Variants in CDC14A observed in about 807,000 individuals in gnomAD.
CDC14A encodes dual specificity protein phosphatase CDC14A.
A neutral mutation model predicts 74.4 loss-of-function variants in CDC14A; 53 were observed. The ratio of observed to expected loss-of-function variants is 0.71; its 90% CI spans 0.57 to 0.89. The LOEUF (loss-of-function observed/expected upper bound fraction) is 0.89, where lower values mean the gene tolerates loss of function less well. CDC14A is among the 40% of genes least tolerant of loss of function. CDC14A has a pLI of 0.00. For synonymous variants in CDC14A, 247 were observed against 258.4 expected (o/e 0.96, Z 0.43); for missense variants, 646 against 713.7 (o/e 0.91, Z 1.08).
At position 100,390,597 on chromosome 1, in the gene CDC14A, T is replaced by C; in HGVS notation, c.217-135T>C. ...GTAATTCTCTAACCCTCAAATGCCA[T>C]AGAAATTAAAGTTGAAAGTTGTTAA... On this transcript the variant is annotated intron_variant, in intron 3 of 15. Coordinates refer to ENST00000336454, the MANE Select transcript of CDC14A (RefSeq NM_003672.4). The C allele has an allele frequency of 4.9e-6, 3 of 607,742 alleles. No individual in the cohort carries two copies. In the South Asian group the frequency reaches 6.1e-5, roughly 12 times the overall value. 37.6% of individuals were successfully genotyped at this position (607,742 alleles called of 1,614,324 possible). A position where few individuals can be genotyped will look rare whatever the true frequency, so the allele number is the denominator to read the frequency against.
At chr1:100,496,496 C>A (rs1017971276) in intron 13 of CDC14A, among the ~76,000 whole-genome samples, 2 of 152,086 alleles carry the variant, frequency 1.3e-5, no homozygotes, top group South Asian at 4.1e-4. Context: ...AGAGGAAACA[C>A]TAGTTTTGTT....
intron 1 of CDC14A, among the ~76,000 whole-genome samples, chr1:100,345,699 T>C (rs1480031959): frequency 6.6e-6 from 1 of 152,224 alleles, no homozygotes; most frequent in African/African-American, 2.4e-5. Context: ...GTGTGTTTCC[T>C]CATTTATAAA....
rs952147356 is a variant in CDC14A at position 100,352,746 on chromosome 1, C to G, written c.-209C>G. 2.1e-5 allele frequency: 29 copies of G among 1,396,862 alleles called. No homozygotes were observed. Among genetic ancestry groups the G allele is most frequent in the Non-Finnish European group, 2.7e-5 (29 of 1,080,614 alleles). 86.5% of individuals were successfully genotyped at this position (1,396,862 alleles called of 1,614,324 possible). A position where few individuals can be genotyped will look rare whatever the true frequency, so the allele number is the denominator to read the frequency against. ...AGGGGCGTGAGCGCCCCGCGCGGAG[C>G]GAGCTCGGGTTCCCCTCGGAATGTC... On this transcript the variant is annotated 5_prime_UTR_variant, in exon 1 of 16. Coordinates refer to ENST00000336454, the MANE Select transcript of CDC14A (RefSeq NM_003672.4).
intron 10 of CDC14A, among the ~76,000 whole-genome samples, chr1:100,477,090 C>T (rs893189353): frequency 6.6e-5 from 10 of 152,152 alleles, no homozygotes; most frequent in African/African-American, 2.4e-4. Context: ...AACAAATTAT[C>T]TCCTCAAAGC....
At chr1:100,497,858 C>G (rs566918193) in intron 13 of CDC14A, among the ~76,000 whole-genome samples, 1 of 152,254 alleles carries the variant, frequency 6.6e-6, no homozygotes, top group Non-Finnish European at 1.5e-5. Flanking sequence ...ATATTAGCTA[C>G]TTCTTAGGGT....
chr1:100,406,719 T>A (rs1218063355), intron 4 of CDC14A, among the ~76,000 whole-genome samples: 1 of 151,528 alleles, frequency 6.6e-6, no homozygotes, highest in African/African-American at 2.4e-5. Context: ...AGGTTGGGAG[T>A]TTAAGACTAG....
At chr1:100,413,162 A>C (rs986213332) in intron 4 of CDC14A, among the ~76,000 whole-genome samples, 6 of 152,192 alleles carry the variant, frequency 3.9e-5, no homozygotes, top group Non-Finnish European at 7.3e-5. Context: ...GCACAGAAAA[A>C]TTGCCACAGA....
chr1:100,470,059 T>C (rs1013786407), intron 10 of CDC14A, among the ~76,000 whole-genome samples: 1 of 152,198 alleles, frequency 6.6e-6, no homozygotes, highest in Non-Finnish European at 1.5e-5. Context: ...TGAATATTCC[T>C]CATGATCATA....
At chr1:100,378,196 G>T (rs185877167) in intron 3 of CDC14A, among the ~76,000 whole-genome samples, 1 of 152,052 alleles carries the variant, frequency 6.6e-6, no homozygotes. Flanking sequence ...TGGGTATCTG[G>T]TTTCCTTTTC....
At chr1:100,504,087 A>G (rs1268475835) in intron 15 of CDC14A, among the ~76,000 whole-genome samples, 1 of 152,080 alleles carries the variant, frequency 6.6e-6, no homozygotes, top group Non-Finnish European at 1.5e-5. Flanking sequence ...TTTTATAGTT[A>G]TGTGCCCTGT....
intron 2 of CDC14A, among the ~76,000 whole-genome samples, chr1:100,365,867 A>G (rs912444110): frequency 6.6e-6 from 1 of 152,002 alleles, no homozygotes; most frequent in African/African-American, 2.4e-5. Flanking sequence ...GGGTGCGGAT[A>G]GTATTCTAGT....
At chr1:100,455,974 A>G (rs1666642888) in intron 8 of CDC14A, among the ~76,000 whole-genome samples, 1 of 152,218 alleles carries the variant, frequency 6.6e-6, no homozygotes, top group Admixed American at 6.5e-5. Context: ...ACACAACTCT[A>G]TGAGATACAG....
intron 1 of CDC14A, chr1:100,345,189 T>G (rs1302847406): frequency 6.6e-6 from 1 of 152,210 alleles, no homozygotes; most frequent in Admixed American, 6.5e-5. Flanking sequence ...TCTCTGTGAG[T>G]GTATATTTTA....
chr1:100,495,980 C>T, intron 12 of CDC14A, 22 bp from the exon 13 acceptor site: 1 of 1,610,538 alleles, frequency 6.2e-7, no homozygotes, highest in Non-Finnish European at 8.5e-7. Flanking sequence ...GATATGTGAG[C>T]ATCTGTCTTT....
At position 100,518,229 on chromosome 1, in the gene CDC14A, G is replaced by A. The variant is rs764234053; in HGVS notation, c.1756-22G>A. On this transcript the variant is annotated intron_variant, in intron 15 of 15. Transcript: ENST00000336454. ...TTACATGTGATGGAATTTAACCTCA[G>A]TTTATGTCTCTCCCTGCACAGTCCC... The A allele has an allele frequency of 3.1e-6, 5 of 1,600,488 alleles. No individual in the cohort carries two copies. The South Asian group carries it at 4.4e-5, about 14-fold the overall frequency.
At chr1:100,506,003 A>G (rs1387462266) in intron 15 of CDC14A, among the ~76,000 whole-genome samples, 1 of 152,090 alleles carries the variant, frequency 6.6e-6, no homozygotes, top group African/African-American at 2.4e-5. Flanking sequence ...ATGTGAACTC[A>G]TAGAGTGGGA....
chr1:100,471,104 T>C (rs2101277400), intron 10 of CDC14A, among the ~76,000 whole-genome samples: 1 of 152,070 alleles, frequency 6.6e-6, no homozygotes, highest in South Asian at 2.1e-4. Flanking sequence ...TAACAAAGAA[T>C]GAATTACTGA....
At chr1:100,484,751 G>A (rs1190488539) in intron 11 of CDC14A, 1 of 1,002,100 alleles carries the variant, frequency 1.0e-6, no homozygotes, top group African/African-American at 1.7e-5. Flanking sequence ...TAAATATCAA[G>A]AAGAAAAATT....
Position 100,495,991 on chromosome 1 carries a change from G to C in CDC14A, c.1251-11G>C. The C allele has an allele frequency of 1.2e-6, 2 of 1,613,190 alleles. No individual in the cohort carries two copies. Among genetic ancestry groups the C allele is most frequent in the Non-Finnish European group, 1.7e-6 (2 of 1,179,218 alleles). ...TGGTGATATGTGAGCATCTGTCTTT[G>C]ATTTCCGCAGGTCAGATGATACAAA... On this transcript the variant is annotated splice_polypyrimidine_tract_variant and intron_variant, in intron 12 of 15. Coordinates refer to ENST00000336454, the MANE Select transcript of CDC14A (RefSeq NM_003672.4).
Sources: gnomAD v4.1 joint callset for allele counts (sites outside exome capture counted in the v4.1 genomes callset) on GRCh38, gnomAD v4.1.1 for gene constraint, MANE v1.5 for transcripts, NCBI Gene and HGNC (gene_info 2026-07-23, HGNC 2026-07-21) for gene names.